The following EEFSEC variants were observed in gnomAD, a reference collection of about 807,000 sequenced individuals.
EEFSEC encodes eukaryotic elongation factor, selenocysteine-tRNA specific.
EEFSEC carries 43 observed loss-of-function variants against 42.1 expected under a neutral mutation model. The observed-to-expected ratio is 1.02, with a 90% CI of 0.80 to 1.32. The LOEUF (loss-of-function observed/expected upper bound fraction) is 1.32, where lower values mean the gene tolerates loss of function less well. Ranked by LOEUF, EEFSEC falls within the 40% of genes most tolerant of loss-of-function variation. The pLI is 0.00. For missense variants in EEFSEC, 745 were observed against 803.6 expected (o/e 0.93, Z 0.88); for synonymous variants, 354 against 339.1 (o/e 1.04, Z -0.48).
chr3:128,243,433 A>C (rs909813966), intron 1 of EEFSEC, among the ~76,000 whole-genome samples: 5 of 152,242 alleles, frequency 3.3e-5, no homozygotes, highest in Non-Finnish European at 7.3e-5. Context: ...TTGACTGGAT[A>C]GTTGTGTATA....
At chr3:128,268,504 A>G (rs1297609376) in intron 4 of EEFSEC, among the ~76,000 whole-genome samples, 2 of 152,172 alleles carry the variant, frequency 1.3e-5, no homozygotes, top group African/African-American at 4.8e-5. Flanking sequence ...CCCCCAAAAT[A>G]TGTCTACCAG....
chr3:128,373,699 T>C (rs1424229999), intron 6 of EEFSEC, among the ~76,000 whole-genome samples: 1 of 152,212 alleles, frequency 6.6e-6, no homozygotes, highest in Non-Finnish European at 1.5e-5. Flanking sequence ...CTAGTGCCTA[T>C]ACCAAGCCCT....
intron 1 of EEFSEC, among the ~76,000 whole-genome samples, chr3:128,166,090 CT>C (rs1327991875): frequency 1.3e-5 from 2 of 152,196 alleles, no homozygotes; most frequent in African/African-American, 2.4e-5. Context: ...AACTTACGCT[CT>C]AGAGAGGAAA....
chr3:128,413,646 A>G (rs2068189956), downstream of EEFSEC, among the ~76,000 whole-genome samples: 1 of 152,160 alleles, frequency 6.6e-6, no homozygotes, highest in South Asian at 2.1e-4. Flanking sequence ...GAGACAGTGC[A>G]GCAGAGAGAA....
At chr3:128,371,419 T>G (rs2067652644) in intron 6 of EEFSEC, among the ~76,000 whole-genome samples, 1 of 152,210 alleles carries the variant, frequency 6.6e-6, no homozygotes, top group South Asian at 2.1e-4. Flanking sequence ...TTCTTCTTAC[T>G]AGGTACAGCC....
Position 128,408,190 on chromosome 3 carries a change from T to C in EEFSEC, c.1722T>C (p.His574=). 2 of 1,612,712 alleles carry C rather than the reference T, an allele frequency of 1.2e-6. No individual in the cohort carries two copies. Among genetic ancestry groups the C allele is most frequent in the African/African-American group, 1.3e-5 (1 of 74,982 alleles). ...ESAERSEPSQ[H]VVLSLTFKRY... ...CCGAGCGGAGCGAGCCCTCACAGCA[T>C]GTGGTGCTCAGCCTGACTTTCAAGC... Residue 574 remains histidine, a synonymous_variant, in exon 7 of 7, where the codon CAT becomes CAC. Coordinates refer to ENST00000254730, the MANE Select transcript of EEFSEC (RefSeq NM_021937.5).
At chr3:128,405,687 T>C (rs1004395654) in intron 6 of EEFSEC, among the ~76,000 whole-genome samples, 1 of 152,250 alleles carries the variant, frequency 6.6e-6, no homozygotes. Flanking sequence ...CCTTGACTTT[T>C]CAGGGACGAA....
intron 1 of EEFSEC, among the ~76,000 whole-genome samples, chr3:128,162,791 G>C (rs970429728): frequency 6.6e-6 from 1 of 152,270 alleles, no homozygotes; most frequent in Non-Finnish European, 1.5e-5. Flanking sequence ...AGAAAATAAT[G>C]CAAAGACTCT....
intron 1 of EEFSEC, among the ~76,000 whole-genome samples, chr3:128,181,679 G>T (rs2999055): frequency 0.14 from 21,999 of 152,232 alleles, 1,706 homozygotes; most frequent in Admixed American, 0.2. Flanking sequence ...CTGGTGGGGG[G>T]CGGTCCTCAT....
intron 1 of EEFSEC, among the ~76,000 whole-genome samples, chr3:128,201,245 T>A (rs1449031002): frequency 6.6e-6 from 1 of 152,216 alleles, no homozygotes; most frequent in Non-Finnish European, 1.5e-5. Flanking sequence ...TCCTATACTT[T>A]GGGCAACACC....
intron 6 of EEFSEC, among the ~76,000 whole-genome samples, chr3:128,361,405 T>G (rs920699708): frequency 6.6e-6 from 1 of 152,164 alleles, no homozygotes; most frequent in Admixed American, 6.5e-5. Flanking sequence ...TTATGTAATA[T>G]CTCCTGATTA....
At chr3:128,279,954 C>A (rs538772436) in intron 4 of EEFSEC, among the ~76,000 whole-genome samples, 1 of 152,278 alleles carries the variant, frequency 6.6e-6, no homozygotes, top group South Asian at 2.1e-4. Context: ...CTAAACCGTG[C>A]GATACCACGT....
Position 128,372,713 on chromosome 3 carries a change from A to AC in EEFSEC, c.1600+14345dup, listed in dbSNP as rs201162317. Among the ~76,000 whole-genome samples, 696 of 152,056 alleles carry AC rather than the reference A, an allele frequency of 4.6e-3. 5 individuals are homozygous for AC. Among genetic ancestry groups the AC allele is most frequent in the African/African-American group, 0.015 (611 of 41,480 alleles). On this transcript the variant is annotated intron_variant, in intron 6 of 6. Transcript: ENST00000254730. ...AAATCCACTCTTTTGTTCCTTCAGCACCCCCTGAGGTGGGCACTATTAGTA... is the reference window on the plus strand; with the variant it reads ...AAATCCACTCTTTTGTTCCTTCAGCACCCCCCTGAGGTGGGCACTATTAGTA...
intron 1 of EEFSEC, among the ~76,000 whole-genome samples, chr3:128,219,840 C>T (rs2065845305): frequency 6.6e-6 from 1 of 151,612 alleles, no homozygotes; most frequent in African/African-American, 2.4e-5. Flanking sequence ...TAGTGTGTCC[C>T]TGGGACCCAG....
At chr3:128,196,093 T>A (rs1265387910) in intron 1 of EEFSEC, among the ~76,000 whole-genome samples, 1 of 152,260 alleles carries the variant, frequency 6.6e-6, no homozygotes, top group Non-Finnish European at 1.5e-5. Context: ...TGTCTGTGAC[T>A]CTCTGCTGTT....
chr3:128,185,616 C>CAGTG (rs2065457801), intron 1 of EEFSEC, among the ~76,000 whole-genome samples: 1 of 152,064 alleles, frequency 6.6e-6, no homozygotes, highest in South Asian at 2.1e-4. Flanking sequence ...GGCTGGAGTG[C>CAGTG]AGTGGTATGA....
intron 4 of EEFSEC, among the ~76,000 whole-genome samples, chr3:128,265,326 ATTC>A (rs747615146): frequency 4.6e-5 from 7 of 152,210 alleles, no homozygotes; most frequent in Non-Finnish European, 8.8e-5. Flanking sequence ...ATGCCGCATT[ATTC>A]TTCTGAAGAC....
In EEFSEC at chr3:128,408,166, C is replaced by T. The variant is rs773551781; in HGVS notation, c.1698C>T (p.Ala566=). ...AGGCCACCAGGCAGGAGGAGAGCGC[C>T]GAGCGGAGCGAGCCCTCACAGCATG... ...RGEATRQEES[A]ERSEPSQHVV... is the part of the protein sequence containing the mutation. Residue 566 remains alanine, a synonymous_variant, in exon 7 of 7, where the codon GCC becomes GCT. Transcript: ENST00000254730. 6.2e-6 allele frequency: 10 copies of T among 1,612,768 alleles called. No individual in the cohort carries two copies. Among genetic ancestry groups the T allele is most frequent in the East Asian group, 2.2e-5 (1 of 44,820 alleles).
intron 1 of EEFSEC, among the ~76,000 whole-genome samples, chr3:128,199,191 C>G (rs1187117836): frequency 6.6e-6 from 1 of 152,170 alleles, no homozygotes; most frequent in East Asian, 1.9e-4. Context: ...TCAACACACC[C>G]TGTTTGTTTT....
Sources: allele counts gnomAD v4.1 joint callset (sites outside exome capture counted in the v4.1 genomes callset), GRCh38; gene constraint gnomAD v4.1.1; transcripts MANE v1.5; gene names NCBI Gene and HGNC (gene_info 2026-07-23, HGNC 2026-07-21).